MRPL48: variants seen among roughly 807,000 people sequenced by gnomAD.
MRPL48 encodes the protein large ribosomal subunit protein mL48.
In MRPL48, 16 loss-of-function variants were observed where a neutral mutation model predicts 32.9. The observed-to-expected ratio is 0.49, with a 90% CI of 0.33 to 0.74. The LOEUF (loss-of-function observed/expected upper bound fraction) is 0.74, where lower values mean the gene tolerates loss of function less well. Ranked by LOEUF, MRPL48 falls within the 30% of genes least tolerant of loss-of-function variation. The pLI is 0.02. For missense variants in MRPL48, 206 were observed against 245.3 expected (o/e 0.84, Z 1.07); for synonymous variants, 94 against 89.2 (o/e 1.05, Z -0.31).
At chr11:73,810,738 TG>T (rs1947553241) in intron 3 of MRPL48, among the ~76,000 whole-genome samples, 1 of 150,564 alleles carries the variant, frequency 6.6e-6, no homozygotes, top group African/African-American at 2.4e-5. Flanking sequence ...CCCTGGTATG[TG>T]ATGTTCCCCT....
intron 5 of MRPL48, among the ~76,000 whole-genome samples, chr11:73,857,784 A>C (rs534567875): frequency 2.7e-5 from 4 of 150,276 alleles, no homozygotes; most frequent in African/African-American, 9.8e-5. Context: ...TAGTAGAGAC[A>C]GTTTCACCGT....
intron 6 of MRPL48, among the ~76,000 whole-genome samples, chr11:73,862,160 C>G (rs1330261983): frequency 6.6e-6 from 1 of 152,088 alleles, no homozygotes; most frequent in Non-Finnish European, 1.5e-5. Context: ...CGGTGGCTGA[C>G]GCCTGTAATC....
At position 73,787,930 on chromosome 11, in the gene MRPL48, G is replaced by A. The variant is rs781762828; in HGVS notation, c.-42G>A. 4 of 1,607,208 alleles carry A rather than the reference G, an allele frequency of 2.5e-6. No homozygotes were observed. The African/African-American group carries it at 4.0e-5, about 16-fold the overall frequency. On this transcript the variant is annotated 5_prime_UTR_variant, in exon 1 of 8. Transcript: ENST00000310614. ...CCCTGGGAACGCGGCTGCAGGGTCC[G>A]GTCTTCGGTTTGCACAGCTAGAGGC... is the stretch of plus-strand genomic sequence containing the variant.
chr11:73,819,212 T>C (rs1213108260), intron 3 of MRPL48, among the ~76,000 whole-genome samples: 1 of 152,224 alleles, frequency 6.6e-6, no homozygotes, highest in Non-Finnish European at 1.5e-5. Flanking sequence ...TGAACCAGCT[T>C]CTTAATTAAG....
intron 2 of MRPL48, among the ~76,000 whole-genome samples, chr11:73,807,631 C>CTTT (rs777408873): frequency 1.3e-3 from 136 of 106,804 alleles, no homozygotes; most frequent in East Asian, 2.9e-3. Context: ...GTATTATTAT[C>CTTT]TTTTTTTTTT....
rs1279689109 is a variant in MRPL48 at position 73,860,009 on chromosome 11, G to A, written c.474G>A (p.Gln158=). 1 of 1,612,470 alleles carries A rather than the reference G, an allele frequency of 6.2e-7. No homozygotes were observed. Among genetic ancestry groups the A allele is most frequent in the South Asian group, 1.1e-5 (1 of 90,878 alleles). The part of the protein sequence containing the change: ...SVLTTHERVV[Q]ISGLSATFAE... ...TTACCACCCATGAGCGAGTGGTTCA[G>A]GTAGGCACTCCAGGAGAATAAAAAA... Residue 158 remains glutamine (Q), a splice_region_variant and synonymous_variant, in exon 6 of 8, where the codon CAG becomes CAA. Transcript: ENST00000310614.
intron 1 of MRPL48, among the ~76,000 whole-genome samples, chr11:73,803,634 T>C (rs1947395746): frequency 6.6e-6 from 1 of 152,142 alleles, no homozygotes; most frequent in Admixed American, 6.5e-5. Context: ...TGTTTTTGCA[T>C]ACTAGACTTT....
chr11:73,829,481 T>G (rs1450025876), intron 4 of MRPL48, among the ~76,000 whole-genome samples: 13 of 152,042 alleles, frequency 8.6e-5, no homozygotes, highest in Admixed American at 8.5e-4. Flanking sequence ...TCCTTCTGCC[T>G]CAGCTTCTCA....
At chr11:73,835,382 C>T (rs865895919) in intron 4 of MRPL48, among the ~76,000 whole-genome samples, 5 of 150,564 alleles carry the variant, frequency 3.3e-5, no homozygotes, top group East Asian at 2.0e-4. Flanking sequence ...CCTCGTGATC[C>T]GCCTGCCTCG....
intron 6 of MRPL48, among the ~76,000 whole-genome samples, chr11:73,861,644 C>T (rs942215912): frequency 2.6e-5 from 4 of 152,140 alleles, no homozygotes; most frequent in Non-Finnish European, 4.4e-5. Flanking sequence ...GCTGGGATTA[C>T]AGGCATGAAC....
At chr11:73,816,722 C>T (rs1309299266) in intron 3 of MRPL48, among the ~76,000 whole-genome samples, 2 of 152,142 alleles carry the variant, frequency 1.3e-5, no homozygotes, top group Admixed American at 1.3e-4. Flanking sequence ...CCTTGGCCTC[C>T]TAAATTGTTG....
chr11:73,841,985 C>T (rs2135047521), intron 4 of MRPL48: 1 of 152,228 alleles, frequency 6.6e-6, no homozygotes, highest in Non-Finnish European at 1.5e-5. Context: ...TGGTCTCACT[C>T]TGTCGCCTAG....
chr11:73,827,339 A>G (rs1231298093), intron 4 of MRPL48, among the ~76,000 whole-genome samples: 1 of 152,158 alleles, frequency 6.6e-6, no homozygotes, highest in African/African-American at 2.4e-5. Flanking sequence ...AGCCGAGATC[A>G]CGCCACTGTA....
chr11:73,833,676 AATT>A (rs1948035962), intron 4 of MRPL48, among the ~76,000 whole-genome samples: 1 of 151,916 alleles, frequency 6.6e-6, no homozygotes, highest in Non-Finnish European at 1.5e-5. Context: ...TTGTTTTTTT[AATT>A]ATTATTTTTT....
In MRPL48 at chr11:73,805,080, G is replaced by A. The variant is rs1373977864; in HGVS notation, c.74+1G>A. The A allele has an allele frequency of 1.9e-6, 3 of 1,565,744 alleles. No homozygotes were observed. Among genetic ancestry groups the A allele is most frequent in the South Asian group, 1.2e-5 (1 of 84,992 alleles). ...TTAAGCAAGCCTTTTCTCTCTTAAG[G>A]TAAGAATATTAAAAACAATAATTAA... On this transcript the variant is annotated splice_donor_variant, in intron 2 of 7. Transcript: ENST00000310614. LOFTEE classifies it high-confidence loss of function.
At chr11:73,813,768 A>G (rs1332619455) in intron 3 of MRPL48, among the ~76,000 whole-genome samples, 1 of 151,908 alleles carries the variant, frequency 6.6e-6, no homozygotes, top group African/African-American at 2.4e-5. Flanking sequence ...ATGGCTGGGC[A>G]TGGTGGCTCA....
chr11:73,795,517 C>CT (rs200565855), intron 1 of MRPL48, among the ~76,000 whole-genome samples: 83 of 146,060 alleles, frequency 5.7e-4, no homozygotes, highest in Middle Eastern at 3.6e-3. Flanking sequence ...AATATTCACT[C>CT]TTTTTTTTTT....
At chr11:73,833,661 TG>T (rs888226615) in intron 4 of MRPL48, among the ~76,000 whole-genome samples, 2 of 152,086 alleles carry the variant, frequency 1.3e-5, no homozygotes, top group African/African-American at 4.8e-5. Flanking sequence ...AACTCAGTTA[TG>T]TTTTTGTTTT....
chr11:73,838,150 C>A (rs1043172865), intron 4 of MRPL48, among the ~76,000 whole-genome samples: 7 of 152,176 alleles, frequency 4.6e-5, no homozygotes, highest in Non-Finnish European at 7.3e-5. Context: ...CCACTCCTGG[C>A]CCACAGATAT....
Sources: allele counts gnomAD v4.1 joint callset (sites outside exome capture counted in the v4.1 genomes callset), GRCh38; gene constraint gnomAD v4.1.1; transcripts MANE v1.5; gene names NCBI Gene and HGNC (gene_info 2026-07-23, HGNC 2026-07-21).